LEPR: variants seen among roughly 807,000 people sequenced by gnomAD.
LEPR encodes leptin receptor, also known as OB receptor.
LEPR carries 56 observed loss-of-function variants against 114.7 expected under a neutral mutation model. The observed-to-expected ratio is 0.49, with a 90% confidence interval of 0.39 to 0.61. The LOEUF is 0.61. Among genes scored for constraint, LEPR ranks in the 20% least tolerant of loss-of-function variants. LEPR has a pLI of 0.00. For synonymous variants in LEPR, 443 were observed against 461.4 expected, an observed-to-expected ratio of 0.96 and a Z score of 0.51; for missense variants, 1,202 against 1,352.9, an observed-to-expected ratio of 0.89 and a Z score of 1.75.
At chr1:65,421,532 T>TC in intron 1 of LEPR, 4 of 1,519,884 alleles carry the variant, frequency 2.6e-6, no homozygotes, top group Non-Finnish European at 3.5e-6. Flanking sequence ...TTTTATATCA[T>TC]CCTTGAAATT....
intron 6 of LEPR, 57 bp downstream of exon 6, chr1:65,592,922 T>G (rs576501889): frequency 1.3e-5 from 21 of 1,582,438 alleles, no homozygotes; most frequent in Non-Finnish European, 1.7e-5. Context: ...TATATAAAGG[T>G]TAAAAATTGC....
chr1:65,592,821 T>G lies in LEPR; in HGVS notation c.659T>G (p.Val220Gly). 1 of 1,613,238 alleles carries G rather than the reference T, an allele frequency of 6.2e-7. No homozygotes were observed. Among genetic ancestry groups the G allele is most frequent in the Non-Finnish European group, 8.5e-7 (1 of 1,179,408 alleles). The stretch of plus-strand genomic sequence containing the variant: ...TGTTTGAAAATCACATCTGGTGGAG[T>G]AATTTTCCAGTCACCTCTAATGTCA... ...LMCLKITSGG[V>G]IFQSPLMSVQ... The change falls in exon 6 of 20, where the codon GTA (valine) becomes GGA (glycine). Residue 220 changes from valine (V) to glycine (G), a missense_variant. Val to Gly is a moderately radical substitution (Grantham distance 109). Coordinates refer to ENST00000349533, the MANE Select transcript of LEPR (RefSeq NM_002303.6).
rs568547794 is a variant in LEPR, at chr1:65,621,585, A to G, written c.2597+127A>G. 1.9e-5 allele frequency: 14 copies of G among 755,614 alleles called. 1 individual carries two copies. Among genetic ancestry groups the G allele is most frequent in the Middle Eastern group, 2.5e-4 (1 of 3,988 alleles). 46.8% of individuals were successfully genotyped at this position (755,614 alleles called of 1,614,324 possible). ...TGCTTTTATATGTAGTCTGTATACAATTAAGATAGCATAAAAAGGAAAGGC... is the reference window on the plus strand; with the variant it reads ...TGCTTTTATATGTAGTCTGTATACAGTTAAGATAGCATAAAAAGGAAAGGC... On this transcript the variant is annotated intron_variant, in intron 18 of 19. Coordinates refer to ENST00000349533, the MANE Select transcript of LEPR (RefSeq NM_002303.6).
chr1:65,437,388 T>C (rs1646578316), intron 2 of LEPR, among the ~76,000 whole-genome samples: 1 of 152,088 alleles, frequency 6.6e-6, no homozygotes, highest in Admixed American at 6.5e-5. Flanking sequence ...GTCCATTAAC[T>C]GATGAATGGA....
chr1:65,588,799 T>C (rs1655494820), intron 5 of LEPR, among the ~76,000 whole-genome samples: 1 of 152,118 alleles, frequency 6.6e-6, no homozygotes, highest in Non-Finnish European at 1.5e-5. Context: ...TTCCACTAAA[T>C]GGTTATATTG....
intron 2 of LEPR, chr1:65,432,318 TTGTAGTCCA>T (rs1184911206): frequency 1.0e-6 from 1 of 990,850 alleles, no homozygotes. Context: ...CCTCTTTGTG[TTGTAGTCCA>T]TGCTATTAAA....
chr1:65,548,245 G>C (rs9728111), intron 2 of LEPR, among the ~76,000 whole-genome samples: 2 of 151,596 alleles, frequency 1.3e-5, no homozygotes, highest in South Asian at 4.2e-4. Context: ...GTCAATTTTG[G>C]AATAGGTGTG....
Position 65,592,557 on chromosome 1 carries a change from C to T in LEPR, c.495-100C>T, listed in dbSNP as rs1655779788. 11 of 1,330,490 alleles carry T rather than the reference C, an allele frequency of 8.3e-6. No homozygotes were observed. In the South Asian group the frequency reaches 1.4e-4, roughly 17 times the overall value. 82.4% of individuals were successfully genotyped at this position (1,330,490 alleles called of 1,614,324 possible). On this transcript the variant is annotated intron_variant, in intron 5 of 19. Transcript: ENST00000349533. ...TCAGATACCCTTTAAGCTGGGTGTC[C>T]CAAATAGTTTACTTCAATTAGTATT...
intron 2 of LEPR, among the ~76,000 whole-genome samples, chr1:65,426,905 G>C (rs1172626238): frequency 5.3e-5 from 8 of 152,134 alleles, no homozygotes; most frequent in African/African-American, 1.9e-4. Context: ...GGCTGAGGCA[G>C]GAGAATTGCT....
chr1:65,421,596 T>C (rs1468693806), intron 1 of LEPR: 2 of 971,500 alleles, frequency 2.1e-6, no homozygotes, highest in Non-Finnish European at 3.1e-6. Flanking sequence ...AGATAGTATA[T>C]ATACGAGTAC....
At chr1:65,484,217 G>A (rs1193429166) in intron 2 of LEPR, among the ~76,000 whole-genome samples, 1 of 151,964 alleles carries the variant, frequency 6.6e-6, no homozygotes. Context: ...GATACCCCTA[G>A]TTCCCAGATT....
chr1:65,447,120 T>C (rs957216651), intron 2 of LEPR, among the ~76,000 whole-genome samples: 5 of 152,154 alleles, frequency 3.3e-5, no homozygotes, highest in Admixed American at 1.3e-4. Flanking sequence ...TTATCATCTT[T>C]TTTTTTTCTT....
intron 2 of LEPR, among the ~76,000 whole-genome samples, chr1:65,445,176 A>C (rs1646698141): frequency 6.6e-6 from 1 of 152,174 alleles, no homozygotes; most frequent in Non-Finnish European, 1.5e-5. Context: ...TCTATGGCTG[A>C]AAACTGAGTT....
chr1:65,500,393 A>G (rs1249318113), intron 2 of LEPR, among the ~76,000 whole-genome samples: 2 of 152,060 alleles, frequency 1.3e-5, no homozygotes, highest in Non-Finnish European at 2.9e-5. Context: ...CCTGACTATA[A>G]TACAGTTGAC....
At chr1:65,547,296 T>C (rs1651830861) in intron 2 of LEPR, among the ~76,000 whole-genome samples, 1 of 152,228 alleles carries the variant, frequency 6.6e-6, no homozygotes, top group South Asian at 2.1e-4. Context: ...TGCCTGGCTT[T>C]GGTATCAGGA....
At chr1:65,422,648 G>GA (rs1171102107) in intron 1 of LEPR, among the ~76,000 whole-genome samples, 1 of 152,250 alleles carries the variant, frequency 6.6e-6, no homozygotes, top group Non-Finnish European at 1.5e-5. Context: ...GGCATGGAGT[G>GA]AAGGTGGAGT....
chr1:65,549,592 C>G (rs1207106109), intron 2 of LEPR, among the ~76,000 whole-genome samples: 3 of 152,248 alleles, frequency 2.0e-5, no homozygotes, highest in Admixed American at 1.3e-4. Flanking sequence ...CCCTTTCTTC[C>G]AGTTGATCGC....
chr1:65,581,384 T>C (rs1654971048), intron 5 of LEPR, among the ~76,000 whole-genome samples: 1 of 152,000 alleles, frequency 6.6e-6, no homozygotes, highest in Non-Finnish European at 1.5e-5. Context: ...AAGCAGCCCA[T>C]ATGCGCATCT....
At chr1:65,618,430 A>G (rs1356666608) in intron 16 of LEPR, among the ~76,000 whole-genome samples, 2 of 151,962 alleles carry the variant, frequency 1.3e-5, no homozygotes, top group Non-Finnish European at 2.9e-5. Context: ...GGCTCAAGCT[A>G]TCTTTCCACC....
Sources: allele counts gnomAD v4.1 joint callset (sites outside exome capture counted in the v4.1 genomes callset), GRCh38; gene constraint gnomAD v4.1.1; transcripts MANE v1.5; gene names NCBI Gene and HGNC (gene_info 2026-07-23, HGNC 2026-07-21).